The following CADM2 variants were observed in gnomAD, a reference collection of about 807,000 sequenced individuals.
The protein encoded by CADM2 is immunoglobulin superfamily member 4D.
A neutral mutation model predicts 49.8 loss-of-function variants in CADM2; 12 were observed. That is an observed-to-expected ratio of 0.24 (90% CI 0.15 to 0.39). The LOEUF is 0.39. Ranked by LOEUF, CADM2 falls within the 10% of genes least tolerant of loss-of-function variation. The pLI, the probability that CADM2 is intolerant of heterozygous loss-of-function variation, is 1.00. For missense variants in CADM2, 378 were observed against 492.3 expected, an observed-to-expected ratio of 0.77 and a Z score of 2.20; for synonymous variants, 214 against 175.4, an observed-to-expected ratio of 1.22 and a Z score of -1.74.
chr3:85,042,142 A>T (rs1180489389), intron 1 of CADM2, among the ~76,000 whole-genome samples: 1 of 152,012 alleles, frequency 6.6e-6, no homozygotes, highest in African/African-American at 2.4e-5. Context: ...TTGCGTACCC[A>T]CTCTCATCAA....
At chr3:85,676,265 C>T (rs188047129) in intron 1 of CADM2, among the ~76,000 whole-genome samples, 8 of 152,162 alleles carry the variant, frequency 5.3e-5, no homozygotes, top group South Asian at 2.1e-4. Flanking sequence ...ATCTAGACTC[C>T]GAGGCCTTAA....
intron 3 of CADM2, among the ~76,000 whole-genome samples, chr3:85,867,275 T>C (rs2075759100): frequency 6.6e-6 from 1 of 152,058 alleles, no homozygotes; most frequent in Admixed American, 6.6e-5. Context: ...CAGTTTTGTG[T>C]CCTTTGCTGT....
chr3:86,012,493 G>C (rs1262331162), intron 8 of CADM2: 1 of 1,033,708 alleles, frequency 9.7e-7, no homozygotes. Flanking sequence ...CCGTGACCCG[G>C]ACCAGCGGGC....
rs543762626 is a variant in CADM2 at position 85,554,887 on chromosome 3, T to A, written c.62-171635T>A. 2.3e-3 allele frequency among the ~76,000 whole-genome samples: 277 copies of A among 120,608 alleles called. 1 individual carries two copies. The highest frequency in any genetic ancestry group is 6.1e-3 in the African/African-American group (231 of 38,152). The allele number at this position is 120,608 out of a possible 152,430, so 79.1% of individuals were successfully genotyped here. A position where few individuals can be genotyped will look rare whatever the true frequency, so the allele number is the denominator to read the frequency against. On this transcript the variant is annotated intron_variant, in intron 1 of 9. Coordinates refer to ENST00000383699, the MANE Select transcript of CADM2 (RefSeq NM_001167675.2). ...ACTTTATTTTTTTTATTTTTATTTTTTTTTTTTTTGTGCAGACTGTGTCTC... is the reference window on the plus strand; with the variant it reads ...ACTTTATTTTTTTTATTTTTATTTTATTTTTTTTTGTGCAGACTGTGTCTC...
rs1394756084 is a variant in CADM2 at position 85,751,026 on chromosome 3, T to G, written c.88+24478T>G. ...CAACTAAAACAAGCATAAAAGAACA[T>G]TTTGAAAAGTAATTACCCAGAAATC... On this transcript the variant is annotated intron_variant, in intron 2 of 9. Transcript: ENST00000383699. Among the ~76,000 whole-genome samples, 7 of 152,068 alleles carry G rather than the reference T, an allele frequency of 4.6e-5. 1 individual carries two copies. The highest frequency in any genetic ancestry group is 8.8e-5 in the Non-Finnish European group (6 of 67,962).
At chr3:84,988,026 C>A (rs1311152989) in intron 1 of CADM2, among the ~76,000 whole-genome samples, 1 of 152,144 alleles carries the variant, frequency 6.6e-6, no homozygotes, top group Non-Finnish European at 1.5e-5. Flanking sequence ...TGGCCACAGA[C>A]ATGGAGAAAA....
At chr3:85,041,788 C>A (rs1210225713) in intron 1 of CADM2, among the ~76,000 whole-genome samples, 1 of 152,118 alleles carries the variant, frequency 6.6e-6, no homozygotes, top group Non-Finnish European at 1.5e-5. Context: ...GTTACTGTTT[C>A]GTACTTTCAT....
At position 85,541,902 on chromosome 3, in the gene CADM2, G is replaced by A. The variant is rs569963534; in HGVS notation, c.62-184620G>A. The stretch of plus-strand genomic sequence containing the variant: ...AAAGTAGGCAGAAAAGCATAAGAAC[G>A]ACATGGAGTATACACTGTGTTTTAA... On this transcript the variant is annotated intron_variant, in intron 1 of 9. Transcript: ENST00000383699. 7.2e-4 allele frequency among the ~76,000 whole-genome samples: 108 copies of A among 150,688 alleles called. 1 individual carries two copies. In the South Asian group the frequency reaches 0.017, roughly 24 times the overall value.
At chr3:85,838,300 A>G (rs3906942) in intron 3 of CADM2, among the ~76,000 whole-genome samples, 106,676 of 151,462 alleles carry the variant, frequency 0.7, 39,117 homozygotes, top group African/African-American at 0.92. Flanking sequence ...TGTGGGCTCA[A>G]GAAAAAATAA....
At chr3:85,453,839 A>T (rs1326272948) in intron 1 of CADM2, among the ~76,000 whole-genome samples, 4 of 152,168 alleles carry the variant, frequency 2.6e-5, no homozygotes, top group Non-Finnish European at 1.5e-5. Context: ...TTTTGCATAG[A>T]TTGAGCAGTC....
intron 5 of CADM2, 53 bp downstream of exon 5, chr3:85,886,380 ATGTT>A: frequency 7.2e-7 from 1 of 1,382,548 alleles, no homozygotes; most frequent in African/African-American, 1.4e-5. Flanking sequence ...CCAGTATGAC[ATGTT>A]AAGAAAAAGG....
intron 5 of CADM2, among the ~76,000 whole-genome samples, chr3:85,898,509 AT>A (rs1227798317): frequency 1.3e-5 from 2 of 151,784 alleles, no homozygotes; most frequent in Non-Finnish European, 2.9e-5. Flanking sequence ...TTATGGTACA[AT>A]AGATTAGTTT....
intron 1 of CADM2, among the ~76,000 whole-genome samples, chr3:85,595,497 G>T (rs2063217907): frequency 6.6e-6 from 1 of 152,006 alleles, no homozygotes; most frequent in African/African-American, 2.4e-5. Flanking sequence ...TGGACGAGTA[G>T]CTCCTGGAGA....
At chr3:85,212,402 C>T (rs144544606) in intron 1 of CADM2, among the ~76,000 whole-genome samples, 394 of 152,074 alleles carry the variant, frequency 2.6e-3, no homozygotes, top group Admixed American at 3.9e-3. Context: ...TCTCCAGTGG[C>T]ATGTTTTATT....
intron 3 of CADM2, among the ~76,000 whole-genome samples, chr3:85,861,931 C>T (rs2075552271): frequency 6.6e-6 from 1 of 151,860 alleles, no homozygotes; most frequent in South Asian, 2.1e-4. Context: ...TTACCAAAAA[C>T]ATGTATTCAC....
chr3:85,082,593 G>C (rs1559650970), intron 1 of CADM2, among the ~76,000 whole-genome samples: 1 of 152,026 alleles, frequency 6.6e-6, no homozygotes, highest in Non-Finnish European at 1.5e-5. Flanking sequence ...TACATTTCTT[G>C]ACCTGTGACA....
intron 1 of CADM2, among the ~76,000 whole-genome samples, chr3:84,984,054 C>T (rs770511282): frequency 0.14 from 18,667 of 135,734 alleles, 1,583 homozygotes; most frequent in African/African-American, 0.27. Flanking sequence ...TATATACACA[C>T]ACACACACAC....
chr3:85,270,215 C>G (rs1457399057), intron 1 of CADM2, among the ~76,000 whole-genome samples: 2 of 151,140 alleles, frequency 1.3e-5, no homozygotes, highest in African/African-American at 4.8e-5. Context: ...TAATAAAATT[C>G]ATAATTAAAT....
intron 3 of CADM2, among the ~76,000 whole-genome samples, chr3:85,821,168 C>T (rs572176844): frequency 6.6e-6 from 1 of 152,194 alleles, no homozygotes; most frequent in African/African-American, 2.4e-5. Flanking sequence ...GAAGTTTTCT[C>T]CTTCAAGCAT....
Sources: gnomAD v4.1 joint callset for allele counts (sites outside exome capture counted in the v4.1 genomes callset) on GRCh38, gnomAD v4.1.1 for gene constraint, MANE v1.5 for transcripts, NCBI Gene and HGNC (gene_info 2026-07-23, HGNC 2026-07-21) for gene names.